The following DROSHA variants were observed in gnomAD, a reference collection of about 807,000 sequenced individuals.
DROSHA encodes drosha ribonuclease III.
A neutral mutation model predicts 181.9 loss-of-function variants in DROSHA; 56 were observed. The observed-to-expected ratio is 0.31, with a 90% confidence interval of 0.25 to 0.38. DROSHA has a LOEUF of 0.38. Ranked by LOEUF, DROSHA falls within the 10% of genes least tolerant of loss-of-function variation. The probability of loss-of-function intolerance (pLI) is 1.00; values close to 1 mark genes in which losing one functional copy is unlikely to be tolerated. For synonymous variants in DROSHA, 524 were observed against 591.2 expected, an observed-to-expected ratio of 0.89 and a Z score of 1.65; for missense variants, 1,218 against 1,743.5, an observed-to-expected ratio of 0.70 and a Z score of 5.37.
At position 31,411,431 on chromosome 5, in the gene DROSHA, A is replaced by T. The variant is rs568077487; in HGVS notation, c.3526-544T>A. Among the ~76,000 whole-genome samples the T allele has an allele frequency of 8.6e-5, 13 of 151,990 alleles. No individual in the cohort carries two copies. Among genetic ancestry groups the T allele is most frequent in the African/African-American group, 3.1e-4 (13 of 41,550 alleles). Reference sequence around the variant, plus strand: ...AACGGCCTGCTTTTTGTCACTGTACATTAATTTTAAAGGATTTTTTTTTAA... The same window carrying T: ...AACGGCCTGCTTTTTGTCACTGTACTTTAATTTTAAAGGATTTTTTTTTAA... On this transcript the variant is annotated intron_variant, in intron 30 of 35. Transcript: ENST00000344624. This position sits in a 1 kb window ranked among gnomAD's most constrained non-coding sequence, Gnocchi z 4.2.
intron 16 of DROSHA, among the ~76,000 whole-genome samples, chr5:31,472,816 G>GA (rs959798226): frequency 2.6e-5 from 4 of 151,774 alleles, no homozygotes; most frequent in Admixed American, 1.3e-4. Context: ...TTAGTACATG[G>GA]AAAAAAAACC....
chr5:31,405,607 T>G, intron 35 of DROSHA, 70 bp downstream of exon 35: 1 of 1,364,038 alleles, frequency 7.3e-7, no homozygotes, highest in South Asian at 1.4e-5. Flanking sequence ...ATTTTTCTCC[T>G]TCCTCATTTC....
At chr5:31,432,425 C>T (rs1340955167) in intron 25 of DROSHA, among the ~76,000 whole-genome samples, 1 of 152,172 alleles carries the variant, frequency 6.6e-6, no homozygotes, top group African/African-American at 2.4e-5. Flanking sequence ...AGCCACCACG[C>T]CTGGCCCAAA....
At chr5:31,492,433 T>C (rs902621378) in intron 13 of DROSHA, among the ~76,000 whole-genome samples, 7 of 152,240 alleles carry the variant, frequency 4.6e-5, no homozygotes, top group African/African-American at 1.4e-4. Context: ...AAATTGCAGA[T>C]GTAATTTCAC....
chr5:31,474,761 T>C (rs1371746534), intron 16 of DROSHA, among the ~76,000 whole-genome samples: 1 of 152,130 alleles, frequency 6.6e-6, no homozygotes, highest in Non-Finnish European at 1.5e-5. Flanking sequence ...ATGGGATTAG[T>C]GCCCTTACAA....
intron 33 of DROSHA, 146 bp downstream of exon 33, chr5:31,408,910 G>T: frequency 1.5e-6 from 1 of 686,788 alleles, no homozygotes; most frequent in Non-Finnish European, 2.4e-6. Flanking sequence ...TCCCTGTGGG[G>T]CCCAAAGTCA....
At chr5:31,455,309 A>G (rs947115131) in intron 20 of DROSHA, among the ~76,000 whole-genome samples, 9 of 152,102 alleles carry the variant, frequency 5.9e-5, no homozygotes, top group Admixed American at 5.2e-4. Context: ...AGTAATTACT[A>G]CTTCTTGAAT....
chr5:31,526,764 T>A lies in DROSHA; in HGVS notation c.169A>T (p.Ser57Cys), dbSNP rs776021397. Residue 57 changes from serine to cysteine, a missense_variant, in exon 5 of 36, where the codon AGT (serine) becomes TGT (cysteine). Around this residue, in one of 8 missense-constraint regions of DROSHA, gnomAD observed 536 missense variants for 535.4 expected, o/e 1.00. Coordinates refer to ENST00000344624, the MANE Select transcript of DROSHA (RefSeq NM_001382508.1). The part of the protein sequence containing the change: ...PPVQYQYEPP[S>C]APSTTFSNSP... ...TTTGAGAAAGTGGTGGAAGGGGCAC[T>A]TGGAGGTTCATATTGATATTGCACA... The A allele has an allele frequency of 1.8e-5, 28 of 1,596,038 alleles. No individual in the cohort carries two copies. The Admixed American group carries it at 3.8e-4, about 22-fold the overall frequency.
rs1303222347 is a variant in DROSHA at position 31,407,814 on chromosome 5, G to C, written c.3855-869C>G. Among the ~76,000 whole-genome samples the C allele has an allele frequency of 3.3e-5, 5 of 152,146 alleles. No homozygotes were observed. In the East Asian group the frequency reaches 7.7e-4, roughly 23 times the overall value. On this transcript the variant is annotated intron_variant, in intron 33 of 35. Coordinates refer to ENST00000344624, the MANE Select transcript of DROSHA (RefSeq NM_001382508.1). ...AAGGTAGTACTATTACAGTAATCAT[G>C]CCTTTGCTATGGAAAGTTTAGCATC...
intron 23 of DROSHA, among the ~76,000 whole-genome samples, chr5:31,437,666 TCTA>T (rs939263026): frequency 6.6e-6 from 1 of 152,002 alleles, no homozygotes; most frequent in African/African-American, 2.4e-5. Flanking sequence ...CACTGAAAAA[TCTA>T]TTTTGATACA....
intron 22 of DROSHA, among the ~76,000 whole-genome samples, 185 bp downstream of exon 22, chr5:31,449,096 C>G (rs972047052): frequency 4.6e-5 from 7 of 151,276 alleles, no homozygotes; most frequent in African/African-American, 1.5e-4. Context: ...GATCGTGCCA[C>G]TGCACTCCAG....
At chr5:31,410,250 G>A (rs1366359026) in intron 31 of DROSHA, among the ~76,000 whole-genome samples, 5 of 152,048 alleles carry the variant, frequency 3.3e-5, no homozygotes, top group Admixed American at 2.0e-4. Flanking sequence ...TAATCCTTTC[G>A]TTAACTATAA....
chr5:31,401,472 T>C lies in DROSHA; in HGVS notation c.4085A>G (p.Gln1362Arg). The C allele has an allele frequency of 3.1e-6, 5 of 1,613,174 alleles. No individual in the cohort carries two copies. Among genetic ancestry groups the C allele is most frequent in the Non-Finnish European group, 4.2e-6 (5 of 1,179,392 alleles). ...TTCAGTCTCATCTGGCTCTCTCTCT[T>C]GATGCTCTCTTTCCCACCTCATTTC... ...LKEMRWEREH[Q>R]EREPDETEDI... The change falls in exon 36 of 36, where the codon CAA becomes CGA. Residue 1362 changes from glutamine to arginine, a missense_variant. Gln to Arg is a conservative substitution (Grantham distance 43, BLOSUM62 1). This residue lies in a region of DROSHA where 32 missense variants were observed against 29.2 expected (regional missense o/e 1.09). Coordinates refer to ENST00000344624, the MANE Select transcript of DROSHA (RefSeq NM_001382508.1).
intron 35 of DROSHA, among the ~76,000 whole-genome samples, chr5:31,404,171 T>C (rs1740376517): frequency 6.6e-6 from 1 of 152,130 alleles, no homozygotes; most frequent in African/African-American, 2.4e-5. Flanking sequence ...TACTGCCAAA[T>C]TGCTTTCCAG....
intron 35 of DROSHA, among the ~76,000 whole-genome samples, chr5:31,403,463 A>G (rs900257093): frequency 2.0e-5 from 3 of 152,208 alleles, no homozygotes; most frequent in African/African-American, 2.4e-5. Context: ...GAACATTTAA[A>G]ATCATTACTC....
intron 31 of DROSHA, among the ~76,000 whole-genome samples, chr5:31,410,403 A>G (rs561276253): frequency 1.3e-5 from 2 of 152,314 alleles, no homozygotes; most frequent in East Asian, 1.9e-4. Context: ...CTGTGCCCCT[A>G]TATGAAGGCT....
chr5:31,509,435 A>G (rs7447423), intron 9 of DROSHA, among the ~76,000 whole-genome samples: 129,921 of 152,034 alleles, frequency 0.85, 57,510 homozygotes, highest in Non-Finnish European at 0.97. Context: ...ACTGGGATCC[A>G]GAAAGGCTGG....
intron 8 of DROSHA, among the ~76,000 whole-genome samples, chr5:31,513,067 G>A (rs1311090012): frequency 1.3e-5 from 2 of 152,196 alleles, no homozygotes; most frequent in Non-Finnish European, 2.9e-5. Context: ...CTCTGTCATG[G>A]CAGTAAGGAA....
chr5:31,522,861 T>C (rs1237274778), intron 5 of DROSHA, among the ~76,000 whole-genome samples: 1 of 152,236 alleles, frequency 6.6e-6, no homozygotes, highest in East Asian at 1.9e-4. Context: ...GGAGTAACTT[T>C]CATTTTTCAT....
Sources: gnomAD v4.1 joint callset for allele counts (sites outside exome capture counted in the v4.1 genomes callset) on GRCh38, gnomAD v4.1.1 for gene constraint, gnomAD v4.1.1 regional missense constraint, Gnocchi (gnomAD v3.1) non-coding constraint, MANE v1.5 for transcripts, NCBI Gene and HGNC (gene_info 2026-07-23, HGNC 2026-07-21) for gene names.